Variants in POGLUT3 observed in about 807,000 individuals in gnomAD.
POGLUT3 encodes the protein protein O-glucosyltransferase 3.
POGLUT3 carries 48 observed loss-of-function variants against 54.3 expected under a neutral mutation model. That is an observed-to-expected ratio of 0.88 (90% CI 0.70 to 1.12). The LOEUF is 1.12. Among genes scored for constraint, POGLUT3 ranks in the 50% most tolerant of loss-of-function variants. The probability of loss-of-function intolerance (pLI) is 0.00; values close to 1 mark genes in which losing one functional copy is unlikely to be tolerated. For missense variants in POGLUT3, 629 were observed against 618.7 expected, an observed-to-expected ratio of 1.02 and a Z score of -0.18; for synonymous variants, 218 against 237.4, an observed-to-expected ratio of 0.92 and a Z score of 0.75.
At chr11:108,497,129 G>C (rs1307975416) in intron 1 of POGLUT3, among the ~76,000 whole-genome samples, 1 of 152,232 alleles carries the variant, frequency 6.6e-6, no homozygotes, top group East Asian at 1.9e-4. Flanking sequence ...CCAACAGACT[G>C]TAAGTTCCTT....
At chr11:108,482,499 A>G (rs1019588150) in intron 3 of POGLUT3, among the ~76,000 whole-genome samples, 5 of 152,100 alleles carry the variant, frequency 3.3e-5, no homozygotes, top group Non-Finnish European at 7.4e-5. Context: ...CACACCTGTA[A>G]TCCCAGCACT....
chr11:108,474,955 G>A lies in POGLUT3; in HGVS notation c.1399-3C>T, dbSNP rs200194676. ...CTGGACTGGCGCTCGGCATATTTCTGAAACGTGGGTTTAAAGGGAACTGAA... is the reference window on the plus strand; with the variant it reads ...CTGGACTGGCGCTCGGCATATTTCTAAAACGTGGGTTTAAAGGGAACTGAA... On this transcript the variant is annotated splice_region_variant and splice_polypyrimidine_tract_variant and intron_variant, in intron 7 of 7. Transcript: ENST00000323468. The A allele has an allele frequency of 6.2e-7, 1 of 1,613,812 alleles. No individual in the cohort carries two copies. Among genetic ancestry groups the A allele is most frequent in the African/African-American group, 1.3e-5 (1 of 75,014 alleles).
chr11:108,482,285 A>C (rs2093594406), intron 3 of POGLUT3, 63 bp from the exon 4 acceptor site: 2 of 1,205,922 alleles, frequency 1.7e-6, no homozygotes, highest in Admixed American at 4.2e-5. Context: ...ACTAAGTACA[A>C]CAGTTCTTTG....
rs1004461476 is a variant in POGLUT3 at position 108,486,377 on chromosome 11, G to T, written c.464C>A (p.Ser155Tyr). The change falls in exon 3 of 8, where the codon TCT becomes TAT. Residue 155 changes from serine to tyrosine, a missense_variant. Coordinates refer to ENST00000323468, the MANE Select transcript of POGLUT3 (RefSeq NM_153705.5). ...EDPQAWQKTL[S>Y]CPTKEPQIAK... ...AATCTGTGGTTCCTTGGTTGGACAA[G>T]AAAGAGTCTTCTGCCAGGCCTGAGG... The T allele has an allele frequency of 3.7e-6, 6 of 1,614,144 alleles. No individual in the cohort carries two copies. The highest frequency in any genetic ancestry group is 5.1e-6 in the Non-Finnish European group (6 of 1,180,024).
intron 2 of POGLUT3, among the ~76,000 whole-genome samples, chr11:108,487,596 G>GT (rs1188477222): frequency 1.3e-5 from 2 of 151,878 alleles, no homozygotes; most frequent in African/African-American, 4.8e-5. Context: ...TTTTATTTTT[G>GT]TTTTTTGGTG....
rs1441093269 is a variant in POGLUT3, at chr11:108,472,692, T to C, written c.*2135A>G. On this transcript the variant is annotated 3_prime_UTR_variant, in exon 8 of 8. Coordinates refer to ENST00000323468, the MANE Select transcript of POGLUT3 (RefSeq NM_153705.5). The stretch of plus-strand genomic sequence containing the variant: ...AAAATGTAAGATGTTTAAAATGCCA[T>C]TAGCCTTTAGCACCTGGAATTTGAG... 1.3e-5 allele frequency: 2 copies of C among 152,232 alleles called. No homozygotes were observed. Among genetic ancestry groups the C allele is most frequent in the Non-Finnish European group, 2.9e-5 (2 of 68,042 alleles). 9.4% of individuals were successfully genotyped at this position (152,232 alleles called of 1,614,324 possible).
In POGLUT3 at chr11:108,498,287, AC is replaced by A; in HGVS notation, c.79del (p.Val27SerfsTer49). 2 of 1,478,910 alleles carry A rather than the reference AC, an allele frequency of 1.4e-6. No individual in the cohort carries two copies. The highest frequency in any genetic ancestry group is 2.4e-5 in the Admixed American group (1 of 41,308). The allele number at this position is 1,478,910 out of a possible 1,614,324, so 91.6% of individuals were successfully genotyped here. ...LVAAGAPEVL[V>X]SAPRSLVWGP... Reference sequence around the variant, plus strand: ...CCACACCAGGCTCCGCGGCGCGCTGACCAGCACCTCCGGGGCCCCCGCGGCC... The same window carrying A: ...CCACACCAGGCTCCGCGGCGCGCTGACAGCACCTCCGGGGCCCCCGCGGCC... On this transcript the variant is annotated frameshift_variant, in exon 1 of 8. Transcript: ENST00000323468. LOFTEE classifies it high-confidence loss of function.
Position 108,477,957 on chromosome 11 carries a change from T to C in POGLUT3, c.1294-246A>G, listed in dbSNP as rs1488832821. The C allele has an allele frequency of 8.9e-6, 4 of 450,904 alleles. No individual in the cohort carries two copies. The East Asian group carries it at 1.4e-4, about 15-fold the overall frequency. 27.9% of individuals were successfully genotyped at this position (450,904 alleles called of 1,614,324 possible). On this transcript the variant is annotated intron_variant, in intron 6 of 7. Transcript: ENST00000323468. ...TAAGGTCAAGAGTTCGAGATCAGTC[T>C]GGCCAACATGGTGAAACCCCATCTC...
Position 108,490,966 on chromosome 11 carries a change from T to A in POGLUT3, c.400+4A>T, listed in dbSNP as rs1325652783. ...TGACTCTGGAGTATATAATAATCAC[T>A]TACCTTTCAAAATATAGGGAGACTG... On this transcript the variant is annotated splice_donor_region_variant and intron_variant, in intron 2 of 7. Transcript: ENST00000323468. The A allele has an allele frequency of 6.2e-7, 1 of 1,611,464 alleles. No homozygotes were observed. The highest frequency in any genetic ancestry group is 2.2e-5 in the East Asian group (1 of 44,866).
Position 108,477,728 on chromosome 11 carries a change from A to G in POGLUT3, c.1294-17T>C. The G allele has an allele frequency of 2.0e-6, 3 of 1,509,868 alleles. No individual in the cohort carries two copies. The highest frequency in any genetic ancestry group is 1.1e-5 in the South Asian group (1 of 88,894). 93.5% of individuals were successfully genotyped at this position (1,509,868 alleles called of 1,614,324 possible). On this transcript the variant is annotated splice_polypyrimidine_tract_variant and intron_variant, in intron 6 of 7. Transcript: ENST00000323468. Reference sequence around the variant, plus strand: ...ATCATTTTCCTGAAAGGTTAAAAAAAATAAAAATGAATGAAAATTACTACT... The same window carrying G: ...ATCATTTTCCTGAAAGGTTAAAAAAGATAAAAATGAATGAAAATTACTACT...
At chr11:108,495,339 A>G (rs1290062284) in intron 1 of POGLUT3, among the ~76,000 whole-genome samples, 1 of 152,018 alleles carries the variant, frequency 6.6e-6, no homozygotes, top group Non-Finnish European at 1.5e-5. Flanking sequence ...CCTGGCTGAT[A>G]TTTTGGATTT....
chr11:108,478,448 A>C (rs1319321456), intron 6 of POGLUT3, among the ~76,000 whole-genome samples: 1 of 152,196 alleles, frequency 6.6e-6, no homozygotes, highest in Non-Finnish European at 1.5e-5. Context: ...ATCCGTTTTC[A>C]CGTTACAACA....
chr11:108,478,910 A>T (rs2093587318), intron 6 of POGLUT3, among the ~76,000 whole-genome samples: 2 of 152,244 alleles, frequency 1.3e-5, no homozygotes. Context: ...TTCATTAAGA[A>T]TTTGTGCCTT....
In POGLUT3 at chr11:108,477,922, G is replaced by A. The variant is rs752842870; in HGVS notation, c.1294-211C>T. ...CCAGTACTTTGGGGGCCCAAAGCTA[G>A]AAGATCACTTAAGGTCAAGAGTTCG... On this transcript the variant is annotated intron_variant, in intron 6 of 7. Coordinates refer to ENST00000323468, the MANE Select transcript of POGLUT3 (RefSeq NM_153705.5). 7 of 548,910 alleles carry A rather than the reference G, an allele frequency of 1.3e-5. 1 individual carries two copies. The highest frequency in any genetic ancestry group is 1.3e-5 in the Non-Finnish European group (4 of 311,386). 34.0% of individuals were successfully genotyped at this position (548,910 alleles called of 1,614,324 possible). A position where few individuals can be genotyped will look rare whatever the true frequency, so the allele number is the denominator to read the frequency against.
chr11:108,486,761 G>A (rs556454045), intron 2 of POGLUT3: 19 of 255,070 alleles, frequency 7.4e-5, no homozygotes, highest in African/African-American at 3.5e-4. Flanking sequence ...GAAAAAGAAC[G>A]TATTAATTTT....
intron 1 of POGLUT3, among the ~76,000 whole-genome samples, chr11:108,497,558 G>C (rs2093624343): frequency 6.6e-6 from 1 of 152,150 alleles, no homozygotes; most frequent in Non-Finnish European, 1.5e-5. Flanking sequence ...GGGCAGAAAG[G>C]GATTCAGGAC....
chr11:108,478,319 A>G (rs1224191680), intron 6 of POGLUT3, among the ~76,000 whole-genome samples: 2 of 152,142 alleles, frequency 1.3e-5, no homozygotes, highest in Admixed American at 1.3e-4. Flanking sequence ...ACAGTGCAAC[A>G]ACCCACATGC....
chr11:108,475,791 A>G (rs1043695102), intron 7 of POGLUT3, among the ~76,000 whole-genome samples: 42 of 152,028 alleles, frequency 2.8e-4, no homozygotes, highest in Non-Finnish European at 1.2e-4. Context: ...TTTCAATTCA[A>G]TGATTCCATG....
intron 1 of POGLUT3, among the ~76,000 whole-genome samples, chr11:108,493,970 C>T (rs533030546): frequency 4.6e-4 from 70 of 152,236 alleles, no homozygotes; most frequent in Non-Finnish European, 8.7e-4. Flanking sequence ...ATCTTGAACA[C>T]GTTTGATTTG....
Sources: allele counts gnomAD v4.1 joint callset (sites outside exome capture counted in the v4.1 genomes callset), GRCh38; gene constraint gnomAD v4.1.1; transcripts MANE v1.5; gene names NCBI Gene and HGNC (gene_info 2026-07-23, HGNC 2026-07-21).